The following BTBD9 variants were observed in gnomAD, a reference collection of about 807,000 sequenced individuals.
BTBD9 encodes BTB/POZ domain-containing protein 9.
Under a neutral mutation model 64.3 loss-of-function variants are expected in BTBD9, and 49 were observed. The ratio of observed to expected loss-of-function variants is 0.76; its 90% confidence interval spans 0.61 to 0.97. The LOEUF is 0.97. BTBD9 is among the 50% of genes least tolerant of loss of function. The probability of loss-of-function intolerance (pLI) is 0.00; values close to 1 mark genes in which losing one functional copy is unlikely to be tolerated. For synonymous variants in BTBD9, 260 were observed against 274.7 expected (o/e 0.95, Z 0.53); for missense variants, 598 against 762.1 (o/e 0.78, Z 2.53).
chr6:38,617,847 TCTAA>T (rs948483147), intron 1 of BTBD9, among the ~76,000 whole-genome samples: 5 of 152,096 alleles, frequency 3.3e-5, no homozygotes, highest in African/African-American at 9.7e-5. Context: ...CACTTAGGAC[TCTAA>T]CTAACAGGTT....
Position 38,229,760 on chromosome 6 carries a change from G to C in BTBD9, c.1562+26649C>G, listed in dbSNP as rs560354740. 2.0e-5 allele frequency among the ~76,000 whole-genome samples: 3 copies of C among 152,250 alleles called. No homozygotes were observed. In the South Asian group the frequency reaches 6.2e-4, roughly 32 times the overall value. ...AGAATTGATTTTCTGAACCTAAATGGAGAGCATCACATTTATCCCCATTAA... is the reference window on the plus strand; with the variant it reads ...AGAATTGATTTTCTGAACCTAAATGCAGAGCATCACATTTATCCCCATTAA... On this transcript the variant is annotated intron_variant, in intron 9 of 10. Transcript: ENST00000481247.
intron 6 of BTBD9, among the ~76,000 whole-genome samples, chr6:38,429,467 A>G (rs1232928467): frequency 6.6e-6 from 1 of 151,380 alleles, no homozygotes; most frequent in African/African-American, 2.4e-5. Flanking sequence ...AAAAAAAAAA[A>G]AAAAGAAAGA....
intron 1 of BTBD9, among the ~76,000 whole-genome samples, chr6:38,610,239 A>C (rs966311677): frequency 6.6e-6 from 1 of 152,240 alleles, no homozygotes; most frequent in African/African-American, 2.4e-5. Flanking sequence ...TATATAAACC[A>C]AGAAGCTTAT....
intron 6 of BTBD9, among the ~76,000 whole-genome samples, chr6:38,484,615 G>T (rs1771314708): frequency 6.6e-6 from 1 of 152,156 alleles, no homozygotes; most frequent in South Asian, 2.1e-4. Flanking sequence ...CATGGGTTCA[G>T]TTTATGACCA....
chr6:38,401,142 G>C (rs778625307), intron 6 of BTBD9, among the ~76,000 whole-genome samples: 7 of 152,210 alleles, frequency 4.6e-5, no homozygotes, highest in Non-Finnish European at 8.8e-5. Flanking sequence ...TGTCAAGGGA[G>C]GGACCTGGTG....
chr6:38,518,633 A>C (rs536401356), intron 6 of BTBD9, among the ~76,000 whole-genome samples: 9 of 152,342 alleles, frequency 5.9e-5, no homozygotes, highest in African/African-American at 1.9e-4. Flanking sequence ...AATATCATTA[A>C]GCCACCAAAT....
At chr6:38,463,045 T>G (rs1021871539) in intron 6 of BTBD9, among the ~76,000 whole-genome samples, 3 of 152,184 alleles carry the variant, frequency 2.0e-5, no homozygotes, top group African/African-American at 7.2e-5. Flanking sequence ...ATCTGCCTGC[T>G]GCAGCCTCCC....
At chr6:38,210,185 G>C (rs531337002) in intron 9 of BTBD9, among the ~76,000 whole-genome samples, 6 of 152,272 alleles carry the variant, frequency 3.9e-5, no homozygotes, top group African/African-American at 1.4e-4. Flanking sequence ...TGCAGTAATT[G>C]ATGATTAGCA....
chr6:38,375,959 G>GAAAA, intron 6 of BTBD9, among the ~76,000 whole-genome samples: 1 of 145,518 alleles, frequency 6.9e-6, no homozygotes, highest in Admixed American at 6.9e-5. Context: ...AGGAAAGAAA[G>GAAAA]AAAGAAAAAA....
intron 4 of BTBD9, among the ~76,000 whole-genome samples, chr6:38,592,342 A>G (rs537131060): frequency 6.6e-6 from 1 of 152,280 alleles, no homozygotes; most frequent in South Asian, 2.1e-4. Context: ...AGGAGTTGAG[A>G]AATCTGTCCA....
intron 7 of BTBD9, among the ~76,000 whole-genome samples, chr6:38,289,128 T>G (rs1168020771): frequency 6.6e-6 from 1 of 152,090 alleles, no homozygotes; most frequent in Non-Finnish European, 1.5e-5. Context: ...ACCCCAGCAC[T>G]TTGGGAGGCT....
intron 1 of BTBD9, among the ~76,000 whole-genome samples, chr6:38,627,524 A>G (rs1582738733): frequency 6.6e-6 from 1 of 152,316 alleles, no homozygotes; most frequent in Non-Finnish European, 1.5e-5. Flanking sequence ...TGGACACTCC[A>G]TTAAGGCAGA....
chr6:38,196,370 T>C (rs1762274691), intron 9 of BTBD9, among the ~76,000 whole-genome samples: 1 of 152,200 alleles, frequency 6.6e-6, no homozygotes, highest in Admixed American at 6.5e-5. Flanking sequence ...TTGGCATATA[T>C]TAAATACTAC....
At chr6:38,243,462 C>T (rs1364220332) in intron 9 of BTBD9, among the ~76,000 whole-genome samples, 1 of 151,996 alleles carries the variant, frequency 6.6e-6, no homozygotes. Context: ...TATAGAAATT[C>T]TCTGCAACAG....
At chr6:38,426,540 T>C (rs963272156) in intron 6 of BTBD9, among the ~76,000 whole-genome samples, 1 of 152,050 alleles carries the variant, frequency 6.6e-6, no homozygotes. Flanking sequence ...ACTGCTGTTT[T>C]GCCGCCGTCG....
intron 6 of BTBD9, among the ~76,000 whole-genome samples, chr6:38,565,337 T>C (rs1184054378): frequency 6.6e-6 from 1 of 152,190 alleles, no homozygotes; most frequent in Non-Finnish European, 1.5e-5. Context: ...GCATCTGTGG[T>C]TTCTACTCAC....
At chr6:38,575,047 A>G (rs537789863) in intron 6 of BTBD9, among the ~76,000 whole-genome samples, 1 of 152,354 alleles carries the variant, frequency 6.6e-6, no homozygotes, top group South Asian at 2.1e-4. Flanking sequence ...AATACATGAC[A>G]CATTCTTCAG....
intron 7 of BTBD9, among the ~76,000 whole-genome samples, chr6:38,302,485 G>GTATGTGTGTGTGTGTGTGTATA (rs1384155514): frequency 9.4e-6 from 1 of 106,908 alleles, no homozygotes; most frequent in African/African-American, 3.5e-5. Context: ...TTGTGTGTAT[G>GTATGTGTGTGTGTGTGTGTATA]TATATATATA....
intron 9 of BTBD9, among the ~76,000 whole-genome samples, chr6:38,206,877 T>A (rs1762674554): frequency 6.6e-6 from 1 of 151,936 alleles, no homozygotes; most frequent in Admixed American, 6.5e-5. Flanking sequence ...GAGATGAATA[T>A]GTTTGCCTCA....
Sources: allele counts gnomAD v4.1 joint callset (sites outside exome capture counted in the v4.1 genomes callset), GRCh38; gene constraint gnomAD v4.1.1; transcripts MANE v1.5; gene names NCBI Gene and HGNC (gene_info 2026-07-23, HGNC 2026-07-21).